The following STAG1 variants were observed in gnomAD, a reference collection of about 807,000 sequenced individuals.
STAG1 encodes the protein cohesin subunit SA-1.
A neutral mutation model predicts 170.9 loss-of-function variants in STAG1; 26 were observed. That is an observed-to-expected ratio of 0.15 (90% CI 0.11 to 0.21). The LOEUF (loss-of-function observed/expected upper bound fraction) is 0.21. Ranked by LOEUF, STAG1 falls within the 10% of genes least tolerant of loss-of-function variation. STAG1 has a pLI of 1.00. For missense variants in STAG1, 964 were observed against 1,509.5 expected, an observed-to-expected ratio of 0.64 and a Z score of 5.99; for synonymous variants, 514 against 497.7, an observed-to-expected ratio of 1.03 and a Z score of -0.44.
At chr3:136,561,026 C>T (rs1263317388) in intron 5 of STAG1, among the ~76,000 whole-genome samples, 1 of 151,940 alleles carries the variant, frequency 6.6e-6, no homozygotes, top group Non-Finnish European at 1.5e-5. Flanking sequence ...TTGGTTCTTA[C>T]GCAGCTTTAG....
At chr3:136,554,056 C>G (rs767347112) in intron 5 of STAG1, among the ~76,000 whole-genome samples, 1 of 151,654 alleles carries the variant, frequency 6.6e-6, no homozygotes, top group Non-Finnish European at 1.5e-5. Context: ...AAATAGAACA[C>G]TAGAAAAACA....
At chr3:136,575,383 C>T (rs34228582) in intron 4 of STAG1, among the ~76,000 whole-genome samples, 596 of 152,278 alleles carry the variant, frequency 3.9e-3, no homozygotes, top group Middle Eastern at 0.014. Context: ...TGCCACTGTG[C>T]CTGGTTAATT....
intron 7 of STAG1, among the ~76,000 whole-genome samples, chr3:136,503,523 T>C (rs1933592121): frequency 6.6e-6 from 1 of 152,162 alleles, no homozygotes; most frequent in East Asian, 1.9e-4. Context: ...ATTGAGATAG[T>C]GAGAATATGG....
chr3:136,449,545 G>A (rs561244786), intron 14 of STAG1, among the ~76,000 whole-genome samples: 2 of 150,096 alleles, frequency 1.3e-5, no homozygotes, highest in Admixed American at 6.7e-5. Context: ...GAGTGACAGA[G>A]CAAGACTCTG....
chr3:136,431,227 C>T (rs894194119), intron 16 of STAG1, among the ~76,000 whole-genome samples: 4 of 151,552 alleles, frequency 2.6e-5, no homozygotes, highest in African/African-American at 9.7e-5. Flanking sequence ...TTCATTCCTT[C>T]TTGTGGATTT....
chr3:136,580,285 C>T (rs1937562988), intron 4 of STAG1, among the ~76,000 whole-genome samples: 1 of 149,470 alleles, frequency 6.7e-6, no homozygotes, highest in South Asian at 2.1e-4. Context: ...TTGTTTAAGT[C>T]ATGTACATGT....
chr3:136,634,461 TAAC>T, intron 1 of STAG1, among the ~76,000 whole-genome samples: 1 of 152,000 alleles, frequency 6.6e-6, no homozygotes, highest in African/African-American at 2.4e-5. Flanking sequence ...TATAAACCCT[TAAC>T]AACAGAATCT....
intron 4 of STAG1, among the ~76,000 whole-genome samples, chr3:136,596,353 A>G (rs1363187624): frequency 6.6e-6 from 1 of 152,238 alleles, no homozygotes; most frequent in African/African-American, 2.4e-5. Context: ...ATTATGACTC[A>G]CTGAAGGTTC....
At chr3:136,540,809 G>A (rs967898523) in intron 6 of STAG1, among the ~76,000 whole-genome samples, 48 of 67,702 alleles carry the variant, frequency 7.1e-4, no homozygotes, top group Non-Finnish European at 1.2e-3. Context: ...GCGACAGAGT[G>A]AAACTGTGTC....
chr3:136,521,461 A>G, intron 6 of STAG1, 44 bp from the exon 7 acceptor site: 1 of 1,562,552 alleles, frequency 6.4e-7, no homozygotes. Context: ...CACATTACAG[A>G]GTTTGATGAA....
intron 5 of STAG1, among the ~76,000 whole-genome samples, chr3:136,545,308 T>A (rs1416564530): frequency 1.3e-5 from 2 of 152,160 alleles, no homozygotes; most frequent in African/African-American, 4.8e-5. Flanking sequence ...GACCTCATGA[T>A]CCACCCACCT....
chr3:136,689,089 C>T (rs2107895138), intron 1 of STAG1, among the ~76,000 whole-genome samples: 1 of 152,294 alleles, frequency 6.6e-6, no homozygotes, highest in South Asian at 2.1e-4. Context: ...CTTTACAAAA[C>T]ACTATGAACT....
At chr3:136,437,963 A>G (rs184268294) in intron 15 of STAG1, among the ~76,000 whole-genome samples, 150 of 152,342 alleles carry the variant, frequency 9.8e-4, no homozygotes, top group Admixed American at 4.1e-3. Context: ...TTCTTAAAAT[A>G]TGCATTGGAT....
chr3:136,619,749 T>G (rs1387914536), intron 3 of STAG1, among the ~76,000 whole-genome samples: 1 of 102,720 alleles, frequency 9.7e-6, no homozygotes, highest in Non-Finnish European at 1.9e-5. Flanking sequence ...AGCGCGAGAC[T>G]CTGTCTCAAA....
At position 136,654,299 on chromosome 3, in the gene STAG1, C is replaced by T. The variant is rs373110929; in HGVS notation, c.-83-23318G>A. Among the ~76,000 whole-genome samples, 10 of 152,208 alleles carry T rather than the reference C, an allele frequency of 6.6e-5. No homozygotes were observed. The East Asian group carries it at 9.6e-4, about 15-fold the overall frequency. The stretch of plus-strand genomic sequence containing the variant: ...ACAAATAAAGCCAAGTAGCAGGATA[C>T]AAAGTCAACACACATAAAAAAAATC... On this transcript the variant is annotated intron_variant, in intron 1 of 33. Coordinates refer to ENST00000383202, the MANE Select transcript of STAG1 (RefSeq NM_005862.3).
intron 1 of STAG1, among the ~76,000 whole-genome samples, chr3:136,647,090 C>G (rs1016863646): frequency 1.3e-5 from 2 of 151,950 alleles, no homozygotes; most frequent in African/African-American, 4.8e-5. Context: ...ACAATTGTGT[C>G]AATTTTTTAA....
chr3:136,393,873 G>A (rs998129312), intron 22 of STAG1, among the ~76,000 whole-genome samples: 5 of 152,114 alleles, frequency 3.3e-5, no homozygotes, highest in African/African-American at 9.7e-5. Flanking sequence ...TAGGATTACA[G>A]GCATGAACCA....
intron 3 of STAG1, among the ~76,000 whole-genome samples, chr3:136,604,676 A>T (rs868461419): frequency 6.6e-6 from 1 of 152,122 alleles, no homozygotes; most frequent in South Asian, 2.1e-4. Context: ...TTTGAGACAG[A>T]GTCTTGCTCT....
intron 19 of STAG1, among the ~76,000 whole-genome samples, chr3:136,421,899 C>T (rs905030371): frequency 5.3e-5 from 8 of 151,658 alleles, no homozygotes; most frequent in Admixed American, 3.3e-4. Context: ...GCCTGTAATC[C>T]CAGCACTTTG....
Sources: allele counts gnomAD v4.1 joint callset (sites outside exome capture counted in the v4.1 genomes callset), GRCh38; gene constraint gnomAD v4.1.1; transcripts MANE v1.5; gene names NCBI Gene and HGNC (gene_info 2026-07-23, HGNC 2026-07-21).